Variants in SV2C observed in about 807,000 individuals in gnomAD.
The protein encoded by SV2C is synaptic vesicle glycoprotein 2C.
A neutral mutation model predicts 79.7 loss-of-function variants in SV2C; 49 were observed. The ratio of observed to expected loss-of-function variants is 0.61; its 90% CI spans 0.49 to 0.78. The LOEUF is 0.78. Ranked by LOEUF, SV2C falls within the 30% of genes least tolerant of loss-of-function variation. SV2C has a pLI of 0.00. For missense variants in SV2C, 833 were observed against 912.9 expected, an observed-to-expected ratio of 0.91 and a Z score of 1.13; for synonymous variants, 334 against 333.2, an observed-to-expected ratio of 1.00 and a Z score of -0.03.
the SV2C span, among the ~76,000 whole-genome samples, chr5:75,989,324 C>A: frequency 0.098 from 14,838 of 151,864 alleles, 748 homozygotes; most frequent in Admixed American, 0.12. Context: ...CTGTGACAGG[C>A]CCCATGTGTC....
chr5:76,241,554 T>C (rs1745786014), intron 4 of SV2C, among the ~76,000 whole-genome samples: 1 of 152,182 alleles, frequency 6.6e-6, no homozygotes, highest in South Asian at 2.1e-4. Flanking sequence ...GCCATCTCAG[T>C]GGCATCACTG....
At chr5:76,089,427 A>AT (rs1437837914) in intron 1 of SV2C, among the ~76,000 whole-genome samples, 1 of 152,178 alleles carries the variant, frequency 6.6e-6, no homozygotes, top group East Asian at 1.9e-4. Flanking sequence ...CCACCTTATC[A>AT]TTGATGGGCA....
At chr5:76,108,997 T>C (rs1329733844) in intron 1 of SV2C, among the ~76,000 whole-genome samples, 1 of 152,222 alleles carries the variant, frequency 6.6e-6, no homozygotes, top group African/African-American at 2.4e-5. Flanking sequence ...GACTTTCTTT[T>C]TCTTTTGATG....
At chr5:76,168,273 C>T (rs1055117225) in intron 2 of SV2C, among the ~76,000 whole-genome samples, 1 of 152,088 alleles carries the variant, frequency 6.6e-6, no homozygotes, top group Non-Finnish European at 1.5e-5. Context: ...ACTGGCCTTC[C>T]CCGACCTCTG....
At chr5:76,000,083 C>T in the SV2C span, among the ~76,000 whole-genome samples, 1 of 152,062 alleles carries the variant, frequency 6.6e-6, no homozygotes, top group Non-Finnish European at 1.5e-5. Flanking sequence ...GATGTCGACC[C>T]ATATAGTGGA....
At chr5:76,199,060 G>A (rs1744353804) in intron 3 of SV2C, among the ~76,000 whole-genome samples, 1 of 152,124 alleles carries the variant, frequency 6.6e-6, no homozygotes, top group Non-Finnish European at 1.5e-5. Context: ...TGATCCTCTT[G>A]TTTTCAAAGG....
At chr5:75,873,371 A>C in the SV2C span, among the ~76,000 whole-genome samples, 2 of 150,376 alleles carry the variant, frequency 1.3e-5, no homozygotes, top group African/African-American at 2.5e-5. Context: ...ACATCTAATA[A>C]ATATGTCATC....
chr5:76,211,165 CAACTCAG>C (rs1462634219), intron 4 of SV2C, among the ~76,000 whole-genome samples: 3 of 152,152 alleles, frequency 2.0e-5, no homozygotes, highest in Non-Finnish European at 2.9e-5. Flanking sequence ...CCTCTTCTGG[CAACTCAG>C]AACTGGAATG....
At chr5:75,982,173 A>T in the SV2C span, among the ~76,000 whole-genome samples, 1 of 151,586 alleles carries the variant, frequency 6.6e-6, no homozygotes, top group Non-Finnish European at 1.5e-5. Context: ...TGGCACATGT[A>T]TGCATATGTA....
chr5:76,142,202 T>G (rs1749276993), intron 2 of SV2C, among the ~76,000 whole-genome samples: 1 of 152,186 alleles, frequency 6.6e-6, no homozygotes, highest in African/African-American at 2.4e-5. Context: ...GCCTGTAAGA[T>G]TGTGAGAGAA....
intron 2 of SV2C, among the ~76,000 whole-genome samples, chr5:76,146,298 A>G (rs752834308): frequency 6.6e-6 from 1 of 152,240 alleles, no homozygotes; most frequent in Non-Finnish European, 1.5e-5. Context: ...AAGTTTATTA[A>G]GAAAGAAAAG....
the SV2C span, among the ~76,000 whole-genome samples, chr5:75,865,219 A>T: frequency 1.3e-5 from 2 of 152,232 alleles, no homozygotes; most frequent in Non-Finnish European, 2.9e-5. Flanking sequence ...TGAGGAATAA[A>T]GTCAGAAAGG....
chr5:76,076,449 A>G, the SV2C span, among the ~76,000 whole-genome samples: 1 of 152,146 alleles, frequency 6.6e-6, no homozygotes, highest in Non-Finnish European at 1.5e-5. Flanking sequence ...AAAAGATTGA[A>G]GTTTCTTTTG....
intron 4 of SV2C, among the ~76,000 whole-genome samples, chr5:76,212,714 C>T (rs1744801495): frequency 6.6e-6 from 1 of 152,128 alleles, no homozygotes; most frequent in Admixed American, 6.6e-5. Flanking sequence ...GTCCGTGTGT[C>T]CACCAAGCCC....
At chr5:76,070,920 C>T in the SV2C span, among the ~76,000 whole-genome samples, 2 of 152,160 alleles carry the variant, frequency 1.3e-5, no homozygotes, top group African/African-American at 4.8e-5. Context: ...AGGAAGTCTT[C>T]GGAGATGAGT....
intron 12 of SV2C, among the ~76,000 whole-genome samples, chr5:76,351,725 G>A (rs1342655158): frequency 6.6e-6 from 1 of 152,130 alleles, no homozygotes; most frequent in African/African-American, 2.4e-5. Context: ...CTATAGTGCT[G>A]ATACTAAAAC....
chr5:76,236,302 G>A lies in SV2C; in HGVS notation c.913+26415G>A, dbSNP rs1262146184. 2.0e-5 allele frequency among the ~76,000 whole-genome samples: 3 copies of A among 152,228 alleles called. No individual in the cohort carries two copies. The East Asian group carries it at 5.8e-4, about 29-fold the overall frequency. ...AAATACACTAGGCCTGGGCATGGTG[G>A]CTCACACCTGTAATCCCAGCACTCT... On this transcript the variant is annotated intron_variant, in intron 4 of 12. Coordinates refer to ENST00000502798, the MANE Select transcript of SV2C (RefSeq NM_014979.4).
the SV2C span, among the ~76,000 whole-genome samples, chr5:76,017,023 AAG>A: frequency 6.6e-6 from 1 of 152,220 alleles, no homozygotes; most frequent in Non-Finnish European, 1.5e-5. Context: ...TCAAAAAGTG[AAG>A]AGTTATATTT....
At chr5:75,969,307 T>C in the SV2C span, among the ~76,000 whole-genome samples, 2 of 152,048 alleles carry the variant, frequency 1.3e-5, no homozygotes, top group Admixed American at 6.5e-5. Context: ...AATGACAGGA[T>C]CAAATTCACA....
Sources: gnomAD v4.1 joint callset for allele counts (sites outside exome capture counted in the v4.1 genomes callset) on GRCh38, gnomAD v4.1.1 for gene constraint, MANE v1.5 for transcripts, NCBI Gene and HGNC (gene_info 2026-07-23, HGNC 2026-07-21) for gene names.